The following BBOF1 variants were observed in gnomAD, a reference collection of about 807,000 sequenced individuals.
BBOF1 encodes basal body-orientation factor 1.
A neutral mutation model predicts 68.0 loss-of-function variants in BBOF1; 62 were observed. The observed-to-expected ratio is 0.91, with a 90% CI of 0.74 to 1.13. The LOEUF (loss-of-function observed/expected upper bound fraction) is 1.13, where lower values mean the gene tolerates loss of function less well. BBOF1 is among the 50% of genes most tolerant of loss of function. BBOF1 has a pLI of 0.00. For missense variants in BBOF1, 534 were observed against 600.1 expected (o/e 0.89, Z 1.15); for synonymous variants, 208 against 198.8 (o/e 1.05, Z -0.39).
At chr14:74,072,735 G>T in intron 9 of BBOF1, 1 of 1,099,522 alleles carries the variant, frequency 9.1e-7, no homozygotes, top group Non-Finnish European at 1.3e-6. Flanking sequence ...GGAATCTTCT[G>T]GTCTTTAGAA....
intron 8 of BBOF1, among the ~76,000 whole-genome samples, chr14:74,054,610 C>A (rs564203080): frequency 2.7e-5 from 4 of 149,116 alleles, no homozygotes; most frequent in Non-Finnish European, 5.9e-5. Flanking sequence ...AACTCCTGAC[C>A]TTGTGATCCT....
chr14:74,066,641 G>T, downstream of BBOF1: 1 of 1,420,906 alleles, frequency 7.0e-7, no homozygotes. Flanking sequence ...AAATTAGAGG[G>T]ATGAGATTCT....
At chr14:74,034,590 G>C (rs1433499940) in intron 4 of BBOF1, among the ~76,000 whole-genome samples, 3 of 152,192 alleles carry the variant, frequency 2.0e-5, no homozygotes, top group Non-Finnish European at 4.4e-5. Flanking sequence ...GAAACACTGA[G>C]TACTTTCAGA....
intron 10 of BBOF1, 27 bp downstream of exon 10, chr14:74,057,007 A>C (rs1296609223): frequency 6.2e-7 from 1 of 1,600,306 alleles, no homozygotes; most frequent in African/African-American, 1.3e-5. Context: ...TTAAGTAATA[A>C]ACATGAGCCC....
At position 74,049,811 on chromosome 14, in the gene BBOF1, AC is replaced by A; in HGVS notation, c.903del (p.Tyr301Ter). The stretch of plus-strand genomic sequence containing the variant: ...GTAAACTTGGAGACTGCTCTGAGTT[AC>A]ATGACCAAAGAGTTTGAGAGTGAAG... ...KVVNLETALS[Y>X]MTKEFESEVL... On this transcript the variant is annotated frameshift_variant, in exon 8 of 12. Transcript: ENST00000394009. LOFTEE classifies it high-confidence loss of function. 1 of 1,614,218 alleles carries A rather than the reference AC, an allele frequency of 6.2e-7. No homozygotes were observed. The highest frequency in any genetic ancestry group is 8.5e-7 in the Non-Finnish European group (1 of 1,180,036).
At chr14:74,051,585 CAG>C (rs2060068888) in intron 8 of BBOF1, among the ~76,000 whole-genome samples, 1 of 151,714 alleles carries the variant, frequency 6.6e-6, no homozygotes. Context: ...ATAAAGGTAA[CAG>C]AATGTTTGAG....
chr14:74,059,392 T>G (rs752338979), intron 11 of BBOF1: 1 of 456,098 alleles, frequency 2.2e-6, no homozygotes, highest in South Asian at 1.6e-5. Flanking sequence ...GAAATAATTT[T>G]CTAAGAAAAT....
intron 2 of BBOF1, among the ~76,000 whole-genome samples, chr14:74,023,931 A>G (rs1261494889): frequency 6.6e-6 from 1 of 151,382 alleles, no homozygotes; most frequent in Non-Finnish European, 1.5e-5. Flanking sequence ...ATCTCAAAAA[A>G]AAAAAAAAAA....
At chr14:74,020,939 C>A (rs2059274832) in intron 1 of BBOF1, among the ~76,000 whole-genome samples, 1 of 152,092 alleles carries the variant, frequency 6.6e-6, no homozygotes, top group South Asian at 2.1e-4. Flanking sequence ...TGGAGCTGGC[C>A]TTAATTTGAA....
chr14:74,060,470 A>G (rs2060314457), intron 11 of BBOF1: 2 of 647,326 alleles, frequency 3.1e-6, no homozygotes, highest in Non-Finnish European at 5.6e-6. Context: ...TTTCATTGTT[A>G]CACTAGGCAG....
chr14:74,025,905 T>G (rs976580355), intron 2 of BBOF1, among the ~76,000 whole-genome samples: 43 of 136,042 alleles, frequency 3.2e-4, no homozygotes, highest in East Asian at 1.1e-3. Context: ...AGTGGCGGGG[T>G]GGGGGGGGTG....
At chr14:74,072,017 C>G in intron 9 of BBOF1, 1 of 1,600,792 alleles carries the variant, frequency 6.2e-7, no homozygotes, top group East Asian at 2.2e-5. Context: ...CAAGAATGTT[C>G]CTCTTTTAAA....
chr14:74,024,962 G>A (rs1419373502), intron 2 of BBOF1, among the ~76,000 whole-genome samples: 1 of 151,734 alleles, frequency 6.6e-6, no homozygotes, highest in Non-Finnish European at 1.5e-5. Flanking sequence ...ACGGGGTTTT[G>A]GCATGTTGTT....
chr14:74,019,377 TG>T lies in BBOF1; in HGVS notation c.-98del, dbSNP rs2059191649. ...CTCCGCGCGCCGTCAGCGGCGCGGG[TG>T]GGGCATTGCCAGCTCGGCGTCCCGG... On this transcript the variant is annotated 5_prime_UTR_variant, in exon 1 of 12. Transcript: ENST00000394009. 7.1e-7 allele frequency: 1 copy of T among 1,413,664 alleles called. No homozygotes were observed. The allele number at this position is 1,413,664 out of a possible 1,614,324, so 87.6% of individuals were successfully genotyped here.
At chr14:74,020,552 G>A (rs1041457053) in intron 1 of BBOF1, among the ~76,000 whole-genome samples, 14 of 151,800 alleles carry the variant, frequency 9.2e-5, no homozygotes, top group East Asian at 3.9e-4. Flanking sequence ...TGCCCAAGCC[G>A]GAGTGCAATG....
At chr14:74,041,588 C>T (rs762346374) in intron 5 of BBOF1, among the ~76,000 whole-genome samples, 74 of 152,176 alleles carry the variant, frequency 4.9e-4, no homozygotes, top group Admixed American at 1.1e-3. Flanking sequence ...TCTTGTCTGT[C>T]GCCCAGGCTG....
intron 1 of BBOF1, among the ~76,000 whole-genome samples, chr14:74,020,307 A>G (rs2059242803): frequency 6.6e-6 from 1 of 152,006 alleles, no homozygotes; most frequent in Admixed American, 6.6e-5. Context: ...AGGGCTTATC[A>G]CATTCCTAGA....
In BBOF1 at chr14:74,052,635, A is replaced by G. The variant is rs538243566; in HGVS notation, c.1286+2440A>G. Among the ~76,000 whole-genome samples, 7 of 146,394 alleles carry G rather than the reference A, an allele frequency of 4.8e-5. No individual in the cohort carries two copies. The South Asian group carries it at 1.1e-3, about 23-fold the overall frequency. ...ACTCCAGCCTGGGCAACAGAGCAAG[A>G]CTCCATCTCAAAAAAAAAAAAATTA... On this transcript the variant is annotated intron_variant, in intron 8 of 11. Coordinates refer to ENST00000394009, the MANE Select transcript of BBOF1 (RefSeq NM_025057.3).
chr14:74,074,134 A>AC (rs879517913), intron 9 of BBOF1, among the ~76,000 whole-genome samples: 5 of 151,010 alleles, frequency 3.3e-5, no homozygotes, highest in Non-Finnish European at 5.9e-5. Flanking sequence ...ATAGGTACGC[A>AC]CCACCACGCC....
Sources: allele counts gnomAD v4.1 joint callset (sites outside exome capture counted in the v4.1 genomes callset), GRCh38; gene constraint gnomAD v4.1.1; transcripts MANE v1.5; gene names NCBI Gene and HGNC (gene_info 2026-07-23, HGNC 2026-07-21).